USP42: variants seen among roughly 807,000 people sequenced by gnomAD.
USP42 encodes the protein ubiquitin specific peptidase 42, also known as ubiquitin carboxyl-terminal hydrolase 42.
USP42 carries 23 observed loss-of-function variants against 113.0 expected under a neutral mutation model. The observed-to-expected ratio is 0.20, with a 90% CI of 0.15 to 0.29. The LOEUF is 0.29. Among genes scored for constraint, USP42 ranks in the 10% least tolerant of loss-of-function variants. USP42 has a pLI of 1.00. For synonymous variants in USP42, 933 were observed against 699.0 expected, an observed-to-expected ratio of 1.33 and a Z score of -5.28; for missense variants, 2,174 against 1,779.8, an observed-to-expected ratio of 1.22 and a Z score of -3.99.
rs1781925693 is a variant in USP42, at chr7:6,149,738, A to G, written c.1542A>G (p.Pro514=). The stretch of plus-strand genomic sequence containing the variant: ...CAGTTAATAGGTCCTCAGTGATCCC[A>G]GAACATCCTAAGAAACAAAAAATTA... ...NWSVNRSSVI[P]EHPKKQKITI... The change falls in exon 13 of 18, where the codon CCA becomes CCG. Residue 514 remains proline, a synonymous_variant. Coordinates refer to ENST00000306177, the MANE Select transcript of USP42 (RefSeq NM_032172.3). 1.2e-6 allele frequency: 2 copies of G among 1,614,012 alleles called. No homozygotes were observed. Among genetic ancestry groups the G allele is most frequent in the Non-Finnish European group, 1.7e-6 (2 of 1,179,900 alleles).
At chr7:6,115,549 G>GT (rs1217784386) in intron 3 of USP42, 26 bp downstream of exon 3, 34 of 1,611,346 alleles carry the variant, frequency 2.1e-5, no homozygotes, top group Non-Finnish European at 2.8e-5. Context: ...TGTGTTTGTA[G>GT]TATTGTAGTG....
intron 1 of USP42, among the ~76,000 whole-genome samples, chr7:6,109,687 C>T (rs569498398): frequency 1.9e-4 from 28 of 148,908 alleles, no homozygotes; most frequent in South Asian, 1.7e-3. Context: ...TGAGCCACTG[C>T]GCCCCGCCCG....
At chr7:6,102,096 G>C (rs918733933), upstream of USP42, among the ~76,000 whole-genome samples, 17 of 143,428 alleles carry the variant, frequency 1.2e-4, no homozygotes, top group Admixed American at 1.2e-3. Context: ...AGTTGCTCAG[G>C]TAGTCTCCTA....
chr7:6,111,795 A>G, intron 2 of USP42: 1 of 96,810 alleles, frequency 1.0e-5, no homozygotes, highest in Admixed American at 1.0e-4. Context: ...TTGTATTTTT[A>G]GTAGAGACGG....
chr7:6,120,279 G>T (rs1780146281), intron 3 of USP42, among the ~76,000 whole-genome samples: 1 of 150,838 alleles, frequency 6.6e-6, no homozygotes, highest in Non-Finnish European at 1.5e-5. Context: ...TATTTGCTCT[G>T]TCACTCCAGG....
intron 3 of USP42, among the ~76,000 whole-genome samples, chr7:6,120,879 C>T (rs539515030): frequency 8.5e-5 from 13 of 152,288 alleles, no homozygotes; most frequent in South Asian, 2.1e-4. Flanking sequence ...CCACTGCACC[C>T]GGCTGGAATA....
intron 11 of USP42, 88 bp downstream of exon 11, chr7:6,146,336 TTAAAAA>T: frequency 1.3e-6 from 1 of 781,868 alleles, no homozygotes. Context: ...ATTCAGTGTT[TTAAAAA>T]AAAAAAAAAA....
At chr7:6,124,066 G>A (rs1430937082) in intron 3 of USP42, among the ~76,000 whole-genome samples, 1 of 151,908 alleles carries the variant, frequency 6.6e-6, no homozygotes, top group African/African-American at 2.4e-5. Flanking sequence ...AGTAGTGATG[G>A]GGTTTCACCA....
the USP42 span, among the ~76,000 whole-genome samples, chr7:6,086,446 C>T: frequency 1.3e-5 from 2 of 150,844 alleles, no homozygotes; most frequent in Non-Finnish European, 2.9e-5. Context: ...ACATCATGAT[C>T]CGCCCACCTC....
intron 1 of USP42, among the ~76,000 whole-genome samples, chr7:6,109,226 C>A (rs1779457688): frequency 1.3e-5 from 2 of 151,810 alleles, no homozygotes; most frequent in Admixed American, 6.6e-5. Context: ...GTGCAGAGCC[C>A]AGAGACAGCA....
chr7:6,157,517 C>T lies in USP42; in HGVS notation c.3943+462C>T. The T allele has an allele frequency of 4.0e-6, 2 of 501,090 alleles. No homozygotes were observed. The highest frequency in any genetic ancestry group is 5.2e-6 in the Non-Finnish European group (2 of 387,420). 31.0% of individuals were successfully genotyped at this position (501,090 alleles called of 1,614,324 possible). A position where few individuals can be genotyped will look rare whatever the true frequency, so the allele number is the denominator to read the frequency against. Reference sequence around the variant, plus strand: ...GGTTCATGCTGTTCTCCTGCCTCAGCCTCCTGAGTAGCCGGGACTACAGGC... The same window carrying T: ...GGTTCATGCTGTTCTCCTGCCTCAGTCTCCTGAGTAGCCGGGACTACAGGC... On this transcript the variant is annotated intron_variant, in intron 16 of 17. Coordinates refer to ENST00000306177, the MANE Select transcript of USP42 (RefSeq NM_032172.3). This position sits in a 1 kb window ranked among gnomAD's most constrained non-coding sequence, Gnocchi z 4.1.
chr7:6,103,624 T>G (rs920904249), upstream of USP42, among the ~76,000 whole-genome samples: 1 of 147,354 alleles, frequency 6.8e-6, no homozygotes, highest in African/African-American at 2.6e-5. Flanking sequence ...CATCAGGTCT[T>G]GGGCGGTGGC....
chr7:6,104,282 C>A (rs1281470221), upstream of USP42, among the ~76,000 whole-genome samples: 2 of 151,420 alleles, frequency 1.3e-5, no homozygotes, highest in African/African-American at 4.9e-5. Context: ...CAGGGTTTCA[C>A]CATGCTGGCC....
At position 6,161,171 on chromosome 7, in the gene USP42, A is replaced by ATGAT. The variant is rs1410908293; in HGVS notation, c.*655_*658dup. 1 of 152,676 alleles carries ATGAT rather than the reference A, an allele frequency of 6.5e-6. No homozygotes were observed. The highest frequency in any genetic ancestry group is 1.5e-5 in the Non-Finnish European group (1 of 68,046). The allele number at this position is 152,676 out of a possible 1,614,324, so 9.5% of individuals were successfully genotyped here. A position where few individuals can be genotyped will look rare whatever the true frequency, so the allele number is the denominator to read the frequency against. On this transcript the variant is annotated 3_prime_UTR_variant, in exon 18 of 18. Coordinates refer to ENST00000306177, the MANE Select transcript of USP42 (RefSeq NM_032172.3). ...TACATTATGAATGTATAACCCAGAC[A>ATGAT]TGATTTGTAAAGCCGACAGTATGTT...
At chr7:6,130,291 C>T (rs1203638458) in intron 3 of USP42, among the ~76,000 whole-genome samples, 1 of 152,208 alleles carries the variant, frequency 6.6e-6, no homozygotes, top group Non-Finnish European at 1.5e-5. Flanking sequence ...CCTCCGTTGG[C>T]ACCCCAGGTG....
At chr7:6,141,359 C>A (rs552998567) in intron 7 of USP42, among the ~76,000 whole-genome samples, 14 of 151,758 alleles carry the variant, frequency 9.2e-5, no homozygotes, top group Admixed American at 2.0e-4. Context: ...CATGTGCCAC[C>A]ATGCCCAGCT....
At chr7:6,156,710 GT>G (rs1192921037) in intron 15 of USP42, 43 bp from the exon 16 acceptor site, 1 of 1,498,118 alleles carries the variant, frequency 6.7e-7, no homozygotes, top group East Asian at 2.3e-5. Context: ...GCTGCTGGTG[GT>G]TTTGTGTTTT....
At chr7:6,129,303 C>G (rs1233465145) in intron 3 of USP42, among the ~76,000 whole-genome samples, 1 of 152,150 alleles carries the variant, frequency 6.6e-6, no homozygotes, top group Non-Finnish European at 1.5e-5. Flanking sequence ...TGCCTGTAAT[C>G]CCAGCATTTT....
At chr7:6,138,600 C>T (rs1781278683) in intron 4 of USP42, among the ~76,000 whole-genome samples, 1 of 152,160 alleles carries the variant, frequency 6.6e-6, no homozygotes, top group Non-Finnish European at 1.5e-5. Context: ...GGTCCCTAAC[C>T]CCTGGGCCGT....
Sources: allele counts gnomAD v4.1 joint callset (sites outside exome capture counted in the v4.1 genomes callset), GRCh38; gene constraint gnomAD v4.1.1; non-coding constraint Gnocchi (gnomAD v3.1); transcripts MANE v1.5; gene names NCBI Gene and HGNC (gene_info 2026-07-23, HGNC 2026-07-21).